The following CLN6 variants were observed in gnomAD, a reference collection of about 807,000 sequenced individuals.
CLN6 encodes the protein ceroid-lipofuscinosis neuronal protein 6.
In CLN6, 22 loss-of-function variants were observed where a neutral mutation model predicts 33.3. That is an observed-to-expected ratio of 0.66 (90% confidence interval 0.47 to 0.94). The LOEUF is 0.94. Ranked by LOEUF, CLN6 falls within the 40% of genes least tolerant of loss-of-function variation. CLN6 has a pLI of 0.00. For missense variants in CLN6, 387 were observed against 417.1 expected (o/e 0.93, Z 0.63); for synonymous variants, 201 against 174.6 (o/e 1.15, Z -1.19).
chr15:68,214,082 T>C, intron 3 of CLN6: 1 of 539,246 alleles, frequency 1.9e-6, no homozygotes, highest in Non-Finnish European at 3.4e-6. Flanking sequence ...AAGCCCTTTC[T>C]TGGGGCATAT....
chr15:68,214,751 G>A (rs2093215990), intron 2 of CLN6: 1 of 340,692 alleles, frequency 2.9e-6, no homozygotes. Context: ...CAACTTGCTG[G>A]GTGACCCTGG....
rs2093194682 is a variant in CLN6 at position 68,208,519 on chromosome 15, C to T, written c.666-109G>A. 8.2e-7 allele frequency: 1 copy of T among 1,216,070 alleles called. No individual in the cohort carries two copies. The highest frequency in any genetic ancestry group is 1.2e-6 in the Non-Finnish European group (1 of 843,528). 75.3% of individuals were successfully genotyped at this position (1,216,070 alleles called of 1,614,324 possible). On this transcript the variant is annotated intron_variant, in intron 6 of 6. Coordinates refer to ENST00000249806, the MANE Select transcript of CLN6 (RefSeq NM_017882.3). The surrounding 1 kb of genome is among the most constrained non-coding windows in gnomAD (Gnocchi z 5.8). ...TGCCCTCCAGGCAGGCAGAAGAGTC[C>T]TCTGGTGCCAGGGCTCAGAGAACTA...
chr15:68,226,318 CAAAA>C (rs35031604), intron 1 of CLN6, among the ~76,000 whole-genome samples: 4 of 63,192 alleles, frequency 6.3e-5, no homozygotes, highest in Admixed American at 3.7e-4. Context: ...GACTCCATCT[CAAAA>C]AAAAAAAAAA....
At chr15:68,250,092 C>G (rs1892363080) in intron 1 of CLN6, among the ~76,000 whole-genome samples, 1 of 151,968 alleles carries the variant, frequency 6.6e-6, no homozygotes, top group Admixed American at 6.6e-5. Context: ...TTCAAAATAA[C>G]TAGAAGAGAA....
chr15:68,253,873 T>TA (rs1892405829), intron 1 of CLN6, among the ~76,000 whole-genome samples: 1 of 151,200 alleles, frequency 6.6e-6, no homozygotes, highest in African/African-American at 2.4e-5. Flanking sequence ...AAACTACATT[T>TA]TTTTTTTTTT....
upstream of CLN6, among the ~76,000 whole-genome samples, chr15:68,234,442 G>A (rs558123914): frequency 2.0e-5 from 3 of 152,312 alleles, no homozygotes; most frequent in East Asian, 3.9e-4. The surrounding 1 kb of genome is among the most constrained non-coding windows in gnomAD (Gnocchi z 4.1). Context: ...AAGGAGAAGT[G>A]TATAGTTCAC....
At chr15:68,222,467 GCGC>G (rs1245151323) in intron 1 of CLN6, among the ~76,000 whole-genome samples, 2 of 149,744 alleles carry the variant, frequency 1.3e-5, no homozygotes, top group African/African-American at 5.0e-5. Context: ...GAGGTGAGGA[GCGC>G]CTCTGCCCGG....
At chr15:68,250,117 C>T (rs981623398) in intron 1 of CLN6, among the ~76,000 whole-genome samples, 5 of 152,066 alleles carry the variant, frequency 3.3e-5, no homozygotes, top group African/African-American at 9.7e-5. Context: ...TCAAACGTTC[C>T]TAGCATAAAG....
At position 68,214,374 on chromosome 15, in the gene CLN6, G is replaced by C. The variant is rs146980624; in HGVS notation, c.213C>G (p.Leu71=). The C allele has an allele frequency of 5.0e-5, 81 of 1,612,920 alleles. No homozygotes were observed. Among genetic ancestry groups the C allele is most frequent in the Admixed American group, 4.0e-4 (24 of 60,024 alleles). The change falls in exon 3 of 7, where the codon CTC becomes CTG. Residue 71 remains leucine (L), a synonymous_variant. Transcript: ENST00000249806. ...TGGGCTTGTTGAGTGGAAACCACTC[G>C]AGAGGGAATACCAGCTGCGGAGCAA... ...GRPIAMLVFP[L]EWFPLNKPSV...
At chr15:68,224,999 G>A (rs77393460) in intron 1 of CLN6, among the ~76,000 whole-genome samples, 2,249 of 152,268 alleles carry the variant, frequency 0.015, 19 homozygotes, top group Non-Finnish European at 0.025. Context: ...GCAGTCAGCA[G>A]CATCTGCAGG....
chr15:68,214,425 C>G (rs1199223037), intron 2 of CLN6, 37 bp from the exon 3 acceptor site: 3 of 1,526,152 alleles, frequency 2.0e-6, no homozygotes, highest in Non-Finnish European at 1.8e-6. Flanking sequence ...CACCTGGGCA[C>G]AGCCCCACGC....
Position 68,256,838 on chromosome 15 carries a change from C to T in CLN6, c.31G>A (p.Ala11Thr). ...GTCTCTGGCCGGGGCCTGCCTCTCGCTCGCCGCTCCTTCCCGGCAACGGCT... is the reference window on the plus strand; with the variant it reads ...GTCTCTGGCCGGGGCCTGCCTCTCGTTCGCCGCTCCTTCCCGGCAACGGCT... Residue 11 changes from alanine to threonine, a missense_variant, in exon 1 of 7, where the codon GCG becomes ACG. Ala to Thr is a moderately conservative substitution (Grantham distance 58). Coordinates refer to the CLN6 transcript ENST00000538696. The surrounding 1 kb of genome is among the most constrained non-coding windows in gnomAD (Gnocchi z 4.1). The T allele has an allele frequency of 1.4e-6, 1 of 698,860 alleles. No individual in the cohort carries two copies. The highest frequency in any genetic ancestry group is 2.7e-5 in the East Asian group (1 of 37,206). 43.3% of individuals were successfully genotyped at this position (698,860 alleles called of 1,614,324 possible).
Position 68,229,549 on chromosome 15 carries a change from C to A in CLN6, c.36G>T (p.Ala12=), listed in dbSNP as rs1048000119. The A allele has an allele frequency of 6.8e-7, 1 of 1,468,624 alleles. No individual in the cohort carries two copies. Among genetic ancestry groups the A allele is most frequent in the South Asian group, 1.3e-5 (1 of 78,148 alleles). The allele number at this position is 1,468,624 out of a possible 1,614,324, so 91.0% of individuals were successfully genotyped here. A position where few individuals can be genotyped will look rare whatever the true frequency, so the allele number is the denominator to read the frequency against. The change falls in exon 1 of 7, where the codon GCG becomes GCT. Residue 12 remains alanine (A), a synonymous_variant. Transcript: ENST00000249806. The stretch of plus-strand genomic sequence containing the variant: ...CCAGCTGCGCGCCTGGGCCGCCCGT[C>A]GCTCCCAGGTGCTGCCGCCTCCGCG... ...EATRRRQHLG[A]TGGPGAQLGA...
intron 1 of CLN6, among the ~76,000 whole-genome samples, chr15:68,253,169 G>A (rs949195408): frequency 1.3e-5 from 2 of 152,214 alleles, no homozygotes; most frequent in Non-Finnish European, 2.9e-5. Context: ...AAATGGACAT[G>A]TACCTAATAG....
chr15:68,251,182 T>C (rs894589768), intron 1 of CLN6, among the ~76,000 whole-genome samples: 4 of 152,150 alleles, frequency 2.6e-5, no homozygotes, highest in Non-Finnish European at 5.9e-5. Context: ...ATTAAATGGA[T>C]TAAAGGAGAA....
intron 1 of CLN6, chr15:68,254,535 A>G (rs1892412427): frequency 7.0e-6 from 3 of 430,930 alleles, no homozygotes; most frequent in East Asian, 4.5e-5. Flanking sequence ...TGAAATGATA[A>G]TATTTTGAGC....
At chr15:68,225,083 A>G (rs888496076) in intron 1 of CLN6, among the ~76,000 whole-genome samples, 3 of 152,194 alleles carry the variant, frequency 2.0e-5, no homozygotes, top group African/African-American at 7.2e-5. Flanking sequence ...GACCACAGAG[A>G]GACTAATTTT....
rs1219605900 is a variant in CLN6 at position 68,209,393 on chromosome 15, G to C, written c.665+244C>G. On this transcript the variant is annotated intron_variant, in intron 6 of 6. Transcript: ENST00000249806. The surrounding 1 kb of genome is among the most constrained non-coding windows in gnomAD (Gnocchi z 4.9). ...AGAGCGAGAGGGGCTTGAGGATGGAGACAGACTGTGCAACCTCGCCCTCTC... is the reference window on the plus strand; with the variant it reads ...AGAGCGAGAGGGGCTTGAGGATGGACACAGACTGTGCAACCTCGCCCTCTC... Among the ~76,000 whole-genome samples the C allele has an allele frequency of 6.6e-6, 1 of 152,116 alleles. No homozygotes were observed. Among genetic ancestry groups the C allele is most frequent in the Non-Finnish European group, 1.5e-5 (1 of 68,016 alleles).
intron 1 of CLN6, among the ~76,000 whole-genome samples, chr15:68,224,998 A>G (rs552949729): frequency 4.6e-5 from 7 of 152,348 alleles, no homozygotes; most frequent in South Asian, 2.1e-4. Context: ...GGCAGTCAGC[A>G]GCATCTGCAG....
Sources: allele counts gnomAD v4.1 joint callset (sites outside exome capture counted in the v4.1 genomes callset), GRCh38; gene constraint gnomAD v4.1.1; non-coding constraint Gnocchi (gnomAD v3.1); transcripts MANE v1.5; gene names NCBI Gene and HGNC (gene_info 2026-07-23, HGNC 2026-07-21).